WDR93: variants seen among roughly 807,000 people sequenced by gnomAD.
WDR93 encodes the protein WD repeat-containing protein 93.
In WDR93, 73 loss-of-function variants were observed where a neutral mutation model predicts 82.9. The ratio of observed to expected loss-of-function variants is 0.88; its 90% CI spans 0.73 to 1.07. WDR93 has a LOEUF of 1.07. Among genes scored for constraint, WDR93 ranks in the 50% least tolerant of loss-of-function variants. WDR93 has a pLI of 0.00. For synonymous variants in WDR93, 283 were observed against 300.1 expected (o/e 0.94, Z 0.59); for missense variants, 738 against 826.0 (o/e 0.89, Z 1.31).
At chr15:89,729,651 C>A (rs1309373279) in intron 10 of WDR93, 32 bp from the exon 11 acceptor site, 1 of 1,565,134 alleles carries the variant, frequency 6.4e-7, no homozygotes, top group East Asian at 2.2e-5. Flanking sequence ...GTGTAACACC[C>A]ATTTTCTGTC....
intron 1 of WDR93, among the ~76,000 whole-genome samples, chr15:89,692,682 T>C (rs1186510825): frequency 3.3e-5 from 5 of 152,238 alleles, no homozygotes; most frequent in African/African-American, 1.2e-4. Flanking sequence ...CAATGTCAGC[T>C]CACTGCACCC....
At position 89,706,603 on chromosome 15, in the gene WDR93, T is replaced by C. The variant is rs951524759; in HGVS notation, c.561+985T>C. Among the ~76,000 whole-genome samples, 4 of 152,186 alleles carry C rather than the reference T, an allele frequency of 2.6e-5. No homozygotes were observed. The East Asian group carries it at 7.7e-4, about 29-fold the overall frequency. Reference sequence around the variant, plus strand: ...TGAACCTCAACTCTACTTCACACCATATATAAAAATTAATTTGATAGAGAT... The same window carrying C: ...TGAACCTCAACTCTACTTCACACCACATATAAAAATTAATTTGATAGAGAT... On this transcript the variant is annotated intron_variant, in intron 4 of 16. Transcript: ENST00000268130.
At chr15:89,739,064 C>A (rs2141721921) in intron 16 of WDR93, among the ~76,000 whole-genome samples, 1 of 150,862 alleles carries the variant, frequency 6.6e-6, no homozygotes, top group Non-Finnish European at 1.5e-5. Flanking sequence ...TGCAGTGAGC[C>A]AAGATCGTGC....
At chr15:89,707,579 C>A (rs182037512) in intron 4 of WDR93, among the ~76,000 whole-genome samples, 1 of 151,560 alleles carries the variant, frequency 6.6e-6, no homozygotes, top group African/African-American at 2.4e-5. Context: ...GACACAGACA[C>A]ACACACACAA....
At chr15:89,702,428 T>C (rs1434638215) in intron 2 of WDR93, among the ~76,000 whole-genome samples, 4 of 152,244 alleles carry the variant, frequency 2.6e-5, no homozygotes, top group Non-Finnish European at 5.9e-5. Flanking sequence ...TATGCATTTG[T>C]TCTCAACTTA....
intron 14 of WDR93, 21 bp from the exon 15 acceptor site, chr15:89,737,552 C>A: frequency 6.2e-7 from 1 of 1,614,076 alleles, no homozygotes; most frequent in African/African-American, 1.3e-5. Flanking sequence ...AAGCCCCCCT[C>A]ACCATCTCTT....
intron 6 of WDR93, among the ~76,000 whole-genome samples, chr15:89,715,633 G>C (rs759089889): frequency 1.6e-4 from 25 of 152,044 alleles, no homozygotes; most frequent in Admixed American, 2.6e-4. Context: ...GCCCAGGCTG[G>C]AATGCAGTGG....
chr15:89,713,993 A>G (rs1009998880), intron 5 of WDR93, among the ~76,000 whole-genome samples: 1 of 152,236 alleles, frequency 6.6e-6, no homozygotes, highest in Admixed American at 6.5e-5. Context: ...CCATGGGAGA[A>G]CAACCTTTCC....
At chr15:89,708,339 G>A (rs539059960) in intron 4 of WDR93, among the ~76,000 whole-genome samples, 1 of 152,190 alleles carries the variant, frequency 6.6e-6, no homozygotes, top group Non-Finnish European at 1.5e-5. Context: ...GTCAGTAGCA[G>A]GAGCAGAGAG....
At chr15:89,695,770 G>A (rs1965136272) in intron 1 of WDR93, among the ~76,000 whole-genome samples, 1 of 148,006 alleles carries the variant, frequency 6.8e-6, no homozygotes, top group African/African-American at 2.5e-5. Context: ...TCTTTCCACT[G>A]ATGAAGTAGT....
intron 1 of WDR93, among the ~76,000 whole-genome samples, chr15:89,692,567 G>C (rs1477490488): frequency 1.3e-5 from 2 of 152,164 alleles, no homozygotes; most frequent in Non-Finnish European, 2.9e-5. Flanking sequence ...AGATGATAGA[G>C]GTGAGCACAG....
chr15:89,721,020 A>T (rs2141659588), intron 7 of WDR93: 1 of 152,174 alleles, frequency 6.6e-6, no homozygotes, highest in African/African-American at 2.4e-5. Flanking sequence ...AACAATTTGG[A>T]ATGTTTTGTC....
chr15:89,710,559 G>C (rs935248349), intron 4 of WDR93, among the ~76,000 whole-genome samples: 1 of 151,886 alleles, frequency 6.6e-6, no homozygotes, highest in African/African-American at 2.4e-5. Flanking sequence ...TTTAATACCT[G>C]TGCCTTTACC....
intron 1 of WDR93, among the ~76,000 whole-genome samples, chr15:89,698,494 C>T (rs1965298924): frequency 6.6e-6 from 1 of 152,020 alleles, no homozygotes; most frequent in Non-Finnish European, 1.5e-5. Context: ...GTTCCTTGTT[C>T]CCTTTTTCCT....
At chr15:89,734,902 G>C (rs1467833459) in intron 13 of WDR93, among the ~76,000 whole-genome samples, 1 of 152,054 alleles carries the variant, frequency 6.6e-6, no homozygotes, top group Admixed American at 6.6e-5. Context: ...ATATTATTTA[G>C]CTATGCATAT....
chr15:89,695,365 G>T (rs140482467), intron 1 of WDR93, among the ~76,000 whole-genome samples: 2 of 152,052 alleles, frequency 1.3e-5, no homozygotes, highest in African/African-American at 4.8e-5. Flanking sequence ...AGGGAGTTTC[G>T]CTGTATTGCC....
At chr15:89,729,189 G>C in intron 10 of WDR93, 96 bp downstream of exon 10, 1 of 1,176,450 alleles carries the variant, frequency 8.5e-7, no homozygotes, top group Non-Finnish European at 1.3e-6. Flanking sequence ...AACAAACCTC[G>C]CATGGTAGGA....
upstream of WDR93, chr15:89,690,724 T>G: frequency 8.1e-5 from 74 of 909,044 alleles, no homozygotes; most frequent in Non-Finnish European, 1.1e-4. Context: ...AGTCCCAGGT[T>G]ATCCGCTGAG....
At chr15:89,725,899 G>A (rs1348896260) in intron 8 of WDR93, among the ~76,000 whole-genome samples, 1 of 152,028 alleles carries the variant, frequency 6.6e-6, no homozygotes, top group African/African-American at 2.4e-5. Context: ...TGATACCAGA[G>A]GTTTGCTTTA....
Sources: allele counts gnomAD v4.1 joint callset (sites outside exome capture counted in the v4.1 genomes callset), GRCh38; gene constraint gnomAD v4.1.1; transcripts MANE v1.5; gene names NCBI Gene and HGNC (gene_info 2026-07-23, HGNC 2026-07-21).